The following YWHAE variants were observed in gnomAD, a reference collection of about 807,000 sequenced individuals.
YWHAE encodes tyrosine 3-monooxygenase/tryptophan 5-monooxygenase activation protein epsilon, also known as 14-3-3 protein epsilon.
Under a neutral mutation model 30.1 loss-of-function variants are expected in YWHAE, and 4 were observed. The ratio of observed to expected loss-of-function variants is 0.13; its 90% CI spans 0.07 to 0.30. The LOEUF (loss-of-function observed/expected upper bound fraction) is 0.30, where lower values mean the gene tolerates loss of function less well. Ranked by LOEUF, YWHAE falls within the 10% of genes least tolerant of loss-of-function variation. The pLI is 1.00. For missense variants in YWHAE, 121 were observed against 315.9 expected, an observed-to-expected ratio of 0.38 and a Z score of 4.68; for synonymous variants, 118 against 111.8, an observed-to-expected ratio of 1.06 and a Z score of -0.35.
chr17:1,373,393 G>C (rs1479620429), intron 1 of YWHAE, among the ~76,000 whole-genome samples: 1 of 151,436 alleles, frequency 6.6e-6, no homozygotes, highest in Admixed American at 6.6e-5. Context: ...GGCCGGGCGA[G>C]GTGGACTCAC....
chr17:1,358,721 T>C (rs1245544539), intron 4 of YWHAE, among the ~76,000 whole-genome samples: 4 of 151,318 alleles, frequency 2.6e-5, no homozygotes, highest in East Asian at 2.0e-4. Context: ...TCCCAGCTAC[T>C]TGAGAGGCTG....
chr17:1,362,872 A>C (rs2072885221), intron 2 of YWHAE, among the ~76,000 whole-genome samples: 1 of 152,082 alleles, frequency 6.6e-6, no homozygotes, highest in Non-Finnish European at 1.5e-5. Context: ...GAGAAGGAAG[A>C]CTTCTAAGTT....
At chr17:1,383,389 C>CTTTTT (rs550620060) in intron 1 of YWHAE, among the ~76,000 whole-genome samples, 1 of 137,828 alleles carries the variant, frequency 7.3e-6, no homozygotes, top group Non-Finnish European at 1.5e-5. Context: ...TACTGTTTAA[C>CTTTTT]TTTTTTTTTT....
chr17:1,348,784 G>A (rs2072567602), intron 5 of YWHAE, among the ~76,000 whole-genome samples: 1 of 152,194 alleles, frequency 6.6e-6, no homozygotes, highest in Non-Finnish European at 1.5e-5. Context: ...AGCATTTTGG[G>A]AGGCCGAGGC....
chr17:1,345,995 TCTG>T (rs200964037), intron 5 of YWHAE, among the ~76,000 whole-genome samples: 1,559 of 152,354 alleles, frequency 0.01, 12 homozygotes, highest in Middle Eastern at 0.02. Flanking sequence ...ATTGTGGGGT[TCTG>T]CTGTTATAAA....
intron 1 of YWHAE, among the ~76,000 whole-genome samples, chr17:1,390,048 T>TACA: frequency 6.6e-6 from 1 of 152,198 alleles, no homozygotes; most frequent in South Asian, 2.1e-4. Context: ...TTCTCCATGT[T>TACA]GGTCAGGCTG....
intron 1 of YWHAE, among the ~76,000 whole-genome samples, chr17:1,397,884 T>C (rs948833104): frequency 2.6e-5 from 4 of 152,116 alleles, no homozygotes; most frequent in African/African-American, 7.2e-5. Context: ...CTTACCCCTT[T>C]AGATCCTGAA....
intron 5 of YWHAE, among the ~76,000 whole-genome samples, chr17:1,351,649 A>G (rs2072635299): frequency 6.6e-6 from 1 of 152,092 alleles, no homozygotes; most frequent in Admixed American, 6.6e-5. Flanking sequence ...TCTTCCCTGA[A>G]GAGATGGCAT....
intron 1 of YWHAE, among the ~76,000 whole-genome samples, chr17:1,395,742 A>T (rs1277302150): frequency 6.6e-6 from 1 of 152,236 alleles, no homozygotes; most frequent in African/African-American, 2.4e-5. Context: ...CGTAGTAAAA[A>T]GTTCATTCCA....
chr17:1,373,830 C>G (rs9892542), intron 1 of YWHAE, among the ~76,000 whole-genome samples: 11,246 of 151,970 alleles, frequency 0.074, 1,277 homozygotes, highest in African/African-American at 0.25. Flanking sequence ...CTGTGAAGCA[C>G]AATCAAACAG....
intron 1 of YWHAE, among the ~76,000 whole-genome samples, chr17:1,379,933 T>A (rs1262592039): frequency 6.6e-6 from 1 of 152,170 alleles, no homozygotes; most frequent in African/African-American, 2.4e-5. Context: ...CTCAGAAGCT[T>A]TTCTGAAGAG....
At chr17:1,349,034 AG>A (rs974456486) in intron 5 of YWHAE, among the ~76,000 whole-genome samples, 2 of 147,896 alleles carry the variant, frequency 1.4e-5, no homozygotes, top group African/African-American at 5.0e-5. Flanking sequence ...TCACGAAAAA[AG>A]GAAAAAAAAA....
chr17:1,368,917 AT>A (rs1415387556), intron 1 of YWHAE, among the ~76,000 whole-genome samples: 10 of 152,216 alleles, frequency 6.6e-5, no homozygotes, highest in Non-Finnish European at 1.0e-4. Flanking sequence ...ACTACCAAAA[AT>A]TTAAGTTACA....
At chr17:1,386,745 TTTGAGACCAGCC>T (rs2073306115) in intron 1 of YWHAE, among the ~76,000 whole-genome samples, 1 of 151,992 alleles carries the variant, frequency 6.6e-6, no homozygotes, top group Non-Finnish European at 1.5e-5. Context: ...AGGCCAGAAG[TTTGAGACCAGCC>T]TGGCCAACAC....
At chr17:1,355,114 TTTAAAAAAAAA>T (rs1567957987) in intron 4 of YWHAE, among the ~76,000 whole-genome samples, 1 of 1,794 alleles carries the variant, frequency 5.6e-4, no homozygotes, top group African/African-American at 1.2e-3. Flanking sequence ...CCCAAGATTT[TTTAAAAAAAAA>T]AAAAAAAAAA....
At chr17:1,380,440 C>G (rs2073189747) in intron 1 of YWHAE, among the ~76,000 whole-genome samples, 1 of 152,112 alleles carries the variant, frequency 6.6e-6, no homozygotes, top group Admixed American at 6.6e-5. Context: ...TGCTATTTGA[C>G]CTCAAGTATG....
intron 1 of YWHAE, among the ~76,000 whole-genome samples, chr17:1,368,471 G>A (rs1395899760): frequency 2.0e-5 from 3 of 151,636 alleles, no homozygotes; most frequent in African/African-American, 7.3e-5. Context: ...GGCTGAGGCA[G>A]GGGAATCGCT....
At chr17:1,356,217 A>AC (rs1555639587) in intron 4 of YWHAE, among the ~76,000 whole-genome samples, 1 of 92,338 alleles carries the variant, frequency 1.1e-5, no homozygotes, top group Non-Finnish European at 2.8e-5. Context: ...CACACACACA[A>AC]AATTAGCCGG....
chr17:1,385,935 A>T (rs1426691827), intron 1 of YWHAE, among the ~76,000 whole-genome samples: 1 of 152,078 alleles, frequency 6.6e-6, no homozygotes, highest in Non-Finnish European at 1.5e-5. Flanking sequence ...AAAAAAAGAA[A>T]AGAAAGCCTC....
Sources: allele counts gnomAD v4.1 joint callset (sites outside exome capture counted in the v4.1 genomes callset), GRCh38; gene constraint gnomAD v4.1.1; transcripts MANE v1.5; gene names NCBI Gene and HGNC (gene_info 2026-07-23, HGNC 2026-07-21).